Variants in PCDHA4 observed in about 807,000 individuals in gnomAD.
The protein encoded by PCDHA4 is protocadherin alpha-4.
A neutral mutation model predicts 61.4 loss-of-function variants in PCDHA4; 49 were observed. That is an observed-to-expected ratio of 0.80 (90% CI 0.63 to 1.01). The LOEUF is 1.01. PCDHA4 is among the 50% of genes least tolerant of loss of function. PCDHA4 has a pLI of 0.00. For missense variants in PCDHA4, 1,254 were observed against 1,235.8 expected (o/e 1.01, Z -0.22); for synonymous variants, 590 against 550.3 (o/e 1.07, Z -1.01).
chr5:140,875,586 G>T, intron 1 of PCDHA4: 1 of 1,614,024 alleles, frequency 6.2e-7, no homozygotes, highest in South Asian at 1.1e-5. Flanking sequence ...TCTACGAGGA[G>T]GCCAAACACG....
chr5:140,808,159 T>C lies in PCDHA4; in HGVS notation c.972T>C (p.Asp324=). 6.2e-7 allele frequency: 1 copy of C among 1,614,214 alleles called. No homozygotes were observed. Among genetic ancestry groups the C allele is most frequent in the East Asian group, 2.2e-5 (1 of 44,888 alleles). ...KSYEIIVEGI[D]KGQLPLSGHC... ...ATGAAATTATTGTAGAGGGCATTGATAAGGGACAGCTCCCACTTTCTGGCC... is the reference window on the plus strand; with the variant it reads ...ATGAAATTATTGTAGAGGGCATTGACAAGGGACAGCTCCCACTTTCTGGCC... The change falls in exon 1 of 4, where the codon GAT becomes GAC. Residue 324 remains aspartate, a synonymous_variant. Transcript: ENST00000530339.
At chr5:140,824,331 T>C (rs1223320069) in intron 1 of PCDHA4, 1 of 643,184 alleles carries the variant, frequency 1.6e-6, no homozygotes, top group African/African-American at 1.8e-5. Flanking sequence ...TCTGTGATAT[T>C]AAGTGTTTTT....
intron 3 of PCDHA4, among the ~76,000 whole-genome samples, chr5:140,999,615 A>G (rs535054544): frequency 5.3e-5 from 8 of 152,322 alleles, no homozygotes; most frequent in Admixed American, 3.3e-4. Flanking sequence ...GACCTTATCA[A>G]CCAGGAAACA....
chr5:140,927,191 T>C, intron 1 of PCDHA4: 16 of 1,614,144 alleles, frequency 9.9e-6, no homozygotes, highest in Non-Finnish European at 1.4e-5. Context: ...TACGACCTGG[T>C]GCTCGAGGAC....
chr5:140,864,705 G>T (rs1321181111), intron 1 of PCDHA4: 1 of 152,172 alleles, frequency 6.6e-6, no homozygotes, highest in Admixed American at 6.5e-5. Flanking sequence ...AAGTTGTTGA[G>T]CTCTTCTACT....
intron 1 of PCDHA4, among the ~76,000 whole-genome samples, chr5:140,872,251 T>C (rs557937835): frequency 3.3e-5 from 5 of 152,196 alleles, no homozygotes; most frequent in Non-Finnish European, 7.3e-5. Flanking sequence ...CCTGTGATAA[T>C]ACTTGTTTTC....
intron 1 of PCDHA4, chr5:140,882,232 T>C: frequency 1.9e-6 from 3 of 1,575,806 alleles, no homozygotes; most frequent in African/African-American, 1.4e-5. Context: ...AGGCGTTGTA[T>C]ATATTGCAGA....
rs1554132920 is a variant in PCDHA4 at position 140,830,554 on chromosome 5, C to A, written c.2385+20982C>A. The A allele has an allele frequency of 4.7e-6, 5 of 1,064,408 alleles. No individual in the cohort carries two copies. In the African/African-American group the frequency reaches 8.2e-5, roughly 18 times the overall value. 65.9% of individuals were successfully genotyped at this position (1,064,408 alleles called of 1,614,324 possible). A position where few individuals can be genotyped will look rare whatever the true frequency, so the allele number is the denominator to read the frequency against. ...TTATAATTGTTTTCCTCATATTTGT[C>A]TTCTATATTTCTGTTTTTAATTTTT... On this transcript the variant is annotated intron_variant, in intron 1 of 3. Coordinates refer to ENST00000530339, the MANE Select transcript of PCDHA4 (RefSeq NM_018907.4).
rs1554213921 is a variant in PCDHA4 at position 140,941,202 on chromosome 5, C to CTTTCTTTCTTTCTTTCTTT, written c.2386-37747_2386-37746insTTTCTTTCTTTCTTTCTTT. ...TCCTGCTTCTTTTTTTTTCTTTCTT[C>CTTTCTTTCTTTCTTTCTTT]CTTTCTTTCTTCCTTTCTTTCTTTC... On this transcript the variant is annotated intron_variant, in intron 1 of 3. Coordinates refer to ENST00000530339, the MANE Select transcript of PCDHA4 (RefSeq NM_018907.4). Among the ~76,000 whole-genome samples the CTTTCTTTCTTTCTTTCTTT allele has an allele frequency of 8.2e-4, 101 of 122,784 alleles. 3 individuals carry two copies. Among genetic ancestry groups the CTTTCTTTCTTTCTTTCTTT allele is most frequent in the East Asian group, 3.5e-3 (16 of 4,514 alleles). The allele number at this position is 122,784 out of a possible 152,430, so 80.6% of individuals were successfully genotyped here. A position where few individuals can be genotyped will look rare whatever the true frequency, so the allele number is the denominator to read the frequency against.
chr5:140,971,787 A>G (rs1554233619), intron 1 of PCDHA4, among the ~76,000 whole-genome samples: 5 of 152,124 alleles, frequency 3.3e-5, no homozygotes, highest in Admixed American at 1.3e-4. Context: ...AGATTATTCA[A>G]TATATTGAAT....
At chr5:140,955,157 T>A (rs1554221797) in intron 1 of PCDHA4, among the ~76,000 whole-genome samples, 1 of 152,198 alleles carries the variant, frequency 6.6e-6, no homozygotes, top group Non-Finnish European at 1.5e-5. Context: ...ACCAGTACCG[T>A]GCTGTTTTGG....
chr5:140,857,882 T>A, intron 1 of PCDHA4: 1 of 1,597,334 alleles, frequency 6.3e-7, no homozygotes, highest in Non-Finnish European at 8.6e-7. Flanking sequence ...TGAATTGCAG[T>A]CGGCGGCGGT....
chr5:140,933,772 C>T, intron 1 of PCDHA4, among the ~76,000 whole-genome samples: 1 of 152,176 alleles, frequency 6.6e-6, no homozygotes, highest in African/African-American at 2.4e-5. Flanking sequence ...TCTGTACCTA[C>T]AGTTTTCTTT....
At chr5:140,867,449 G>A (rs1423382267) in intron 1 of PCDHA4, 3 of 152,036 alleles carry the variant, frequency 2.0e-5, no homozygotes, top group African/African-American at 7.2e-5. Context: ...CTGAATTAGA[G>A]TTCTAGTGTT....
At chr5:140,956,985 A>G (rs1554222760) in intron 1 of PCDHA4, among the ~76,000 whole-genome samples, 2 of 152,224 alleles carry the variant, frequency 1.3e-5, no homozygotes, top group African/African-American at 2.4e-5. Flanking sequence ...AGTAAAATAA[A>G]TTCAAGGAAG....
intron 1 of PCDHA4, among the ~76,000 whole-genome samples, chr5:140,974,086 A>G (rs1554235813): frequency 2.6e-5 from 4 of 152,256 alleles, no homozygotes; most frequent in Non-Finnish European, 5.9e-5. Context: ...CATGACTTCA[A>G]AAATCAAAGG....
Position 140,872,661 on chromosome 5 carries a change from T to G in PCDHA4, c.2385+63089T>G, listed in dbSNP as rs544432969. Among the ~76,000 whole-genome samples the G allele has an allele frequency of 2.0e-5, 3 of 152,284 alleles. No individual in the cohort carries two copies. In the East Asian group the frequency reaches 5.8e-4, roughly 29 times the overall value. ...ATGAAAAGGCAAGAGATTTGTCAAC[T>G]ATTGGATACTCAAACAAAATGGCAT... On this transcript the variant is annotated intron_variant, in intron 1 of 3. Transcript: ENST00000530339.
In PCDHA4 at chr5:140,877,160, C is replaced by A. The variant is rs782531082; in HGVS notation, c.2385+67588C>A. 4 of 1,613,814 alleles carry A rather than the reference C, an allele frequency of 2.5e-6. No individual in the cohort carries two copies. Among genetic ancestry groups the A allele is most frequent in the African/African-American group, 2.7e-5 (2 of 75,052 alleles). On this transcript the variant is annotated intron_variant, in intron 1 of 3. Transcript: ENST00000530339. ...GTGCTGGACGAGAACGACAACGCGC[C>A]GGCACTGCTGGCGACTCCGGCTGGC...
At chr5:140,968,187 A>G in intron 1 of PCDHA4, 3 of 1,614,064 alleles carry the variant, frequency 1.9e-6, no homozygotes, top group Non-Finnish European at 2.5e-6. Context: ...GAGGACTCCT[A>G]TTCCATCTAC....
Sources: gnomAD v4.1 joint callset for allele counts (sites outside exome capture counted in the v4.1 genomes callset) on GRCh38, gnomAD v4.1.1 for gene constraint, MANE v1.5 for transcripts, NCBI Gene and HGNC (gene_info 2026-07-23, HGNC 2026-07-21) for gene names.